The following NME8 variants were observed in gnomAD, a reference collection of about 807,000 sequenced individuals.
The protein encoded by NME8 is NME/NM23 family member 8.
In NME8, 72 loss-of-function variants were observed where a neutral mutation model predicts 82.3. The ratio of observed to expected loss-of-function variants is 0.87; its 90% CI spans 0.72 to 1.06. The LOEUF is 1.06. Among genes scored for constraint, NME8 ranks in the 50% least tolerant of loss-of-function variants. The pLI, the probability that NME8 is intolerant of heterozygous loss-of-function variation, is 0.00. For synonymous variants in NME8, 267 were observed against 228.5 expected, an observed-to-expected ratio of 1.17 and a Z score of -1.52; for missense variants, 712 against 685.4, an observed-to-expected ratio of 1.04 and a Z score of -0.43.
At chr7:37,853,435 G>C (rs888962445) in intron 5 of NME8, among the ~76,000 whole-genome samples, 3 of 152,256 alleles carry the variant, frequency 2.0e-5, no homozygotes, top group East Asian at 3.9e-4. Flanking sequence ...CCAGAGAATA[G>C]AGCCTAAAGG....
At chr7:37,865,682 A>G (rs1276528393) in intron 10 of NME8, 65 bp downstream of exon 10, 7 of 1,131,180 alleles carry the variant, frequency 6.2e-6, no homozygotes, top group Non-Finnish European at 9.4e-6. Flanking sequence ...TAAGCTTTAA[A>G]TCTTTATTAC....
intron 10 of NME8, 26 bp downstream of exon 10, chr7:37,865,643 C>G (rs747339772): frequency 1.3e-6 from 2 of 1,498,522 alleles, no homozygotes; most frequent in South Asian, 2.3e-5. Flanking sequence ...AGAAAAAATC[C>G]TCTATGTGTT....
At chr7:37,893,452 CCTT>C (rs1438002269) in intron 15 of NME8, among the ~76,000 whole-genome samples, 1 of 152,138 alleles carries the variant, frequency 6.6e-6, no homozygotes, top group African/African-American at 2.4e-5. Context: ...TCTTGATAAT[CCTT>C]CTTCTACTTA....
intron 15 of NME8, among the ~76,000 whole-genome samples, chr7:37,891,606 G>A (rs573742375): frequency 1.3e-5 from 2 of 151,810 alleles, no homozygotes; most frequent in South Asian, 2.1e-4. Flanking sequence ...TGTTCTGTAA[G>A]CCATTTTTAT....
At chr7:37,858,573 C>T (rs919758226) in intron 6 of NME8, among the ~76,000 whole-genome samples, 1 of 152,022 alleles carries the variant, frequency 6.6e-6, no homozygotes, top group Non-Finnish European at 1.5e-5. Flanking sequence ...GACTCCTAAA[C>T]TAGATGTCAT....
At chr7:37,882,585 AAGAAAGAAAGAAAGAGAG>A (rs1365317459) in intron 12 of NME8, among the ~76,000 whole-genome samples, 108 of 55,104 alleles carry the variant, frequency 2.0e-3, no homozygotes, top group African/African-American at 7.2e-3. Context: ...GAAAGAAAGA[AAGAAAGAAAGAAAGAGAG>A]AGAGAGAGAG....
At chr7:37,852,733 C>T (rs764557777) in intron 5 of NME8, among the ~76,000 whole-genome samples, 40 of 152,146 alleles carry the variant, frequency 2.6e-4, no homozygotes, top group Non-Finnish European at 4.6e-4. Flanking sequence ...TATCCATTCA[C>T]CTGCTGAAGA....
At chr7:37,887,524 T>C (rs1373464668) in intron 14 of NME8, among the ~76,000 whole-genome samples, 1 of 152,208 alleles carries the variant, frequency 6.6e-6, no homozygotes, top group Non-Finnish European at 1.5e-5. Flanking sequence ...AAACAGGTTT[T>C]ATTGTTGTAT....
chr7:37,867,565 G>C (rs1283805404), intron 10 of NME8, 137 bp from the exon 11 acceptor site: 3 of 708,944 alleles, frequency 4.2e-6, no homozygotes, highest in Non-Finnish European at 7.6e-6. Flanking sequence ...ATTGTTAACA[G>C]GAGATTTATA....
chr7:37,856,019 G>C (rs766353924), intron 5 of NME8, among the ~76,000 whole-genome samples: 19 of 151,952 alleles, frequency 1.3e-4, no homozygotes, highest in Admixed American at 5.9e-4. Flanking sequence ...CCTCAATCTA[G>C]GGTACCTATC....
chr7:37,855,734 G>A (rs928866802), intron 5 of NME8, among the ~76,000 whole-genome samples: 6 of 151,862 alleles, frequency 4.0e-5, no homozygotes, highest in African/African-American at 1.2e-4. Context: ...TAGATCCCTC[G>A]CTTACTTTTG....
intron 6 of NME8, among the ~76,000 whole-genome samples, chr7:37,858,995 G>T (rs1784557465): frequency 6.6e-6 from 1 of 152,032 alleles, no homozygotes; most frequent in African/African-American, 2.4e-5. Flanking sequence ...CACATGACAT[G>T]CTGTCTCCCT....
At chr7:37,854,132 A>C (rs1382388950) in intron 5 of NME8, among the ~76,000 whole-genome samples, 1 of 152,050 alleles carries the variant, frequency 6.6e-6, no homozygotes, top group Non-Finnish European at 1.5e-5. Context: ...TTGACTGGAA[A>C]CCTTATGGGT....
chr7:37,893,551 C>A (rs2598123), intron 15 of NME8, among the ~76,000 whole-genome samples: 125,070 of 151,944 alleles, frequency 0.82, 53,360 homozygotes, highest in Non-Finnish European at 0.95. Flanking sequence ...ACTCTGCCTG[C>A]AATGTCCTTT....
At position 37,864,532 on chromosome 7, in the gene NME8, C is replaced by T. The variant is rs1006372929; in HGVS notation, c.528+111C>T. The T allele has an allele frequency of 2.7e-6, 3 of 1,131,244 alleles. No homozygotes were observed. In the East Asian group the frequency reaches 8.0e-5, roughly 30 times the overall value. 70.1% of individuals were successfully genotyped at this position (1,131,244 alleles called of 1,614,324 possible). On this transcript the variant is annotated intron_variant, in intron 9 of 17. Coordinates refer to ENST00000199447, the MANE Select transcript of NME8 (RefSeq NM_016616.5). ...GAGTGAAATAGAACAAAATGCACTACTGGTGCTAGGTACCTCTAGAGGCTT... is the reference window on the plus strand; with the variant it reads ...GAGTGAAATAGAACAAAATGCACTATTGGTGCTAGGTACCTCTAGAGGCTT...
In NME8 at chr7:37,856,997, A is replaced by C. The variant is rs2722353; in HGVS notation, c.199-277A>C. 0.24 allele frequency among the ~76,000 whole-genome samples: 36,633 copies of C among 152,116 alleles called. 4,419 individuals carry two copies. Among genetic ancestry groups the C allele is most frequent in the Middle Eastern group, 0.27 (78 of 294 alleles). On this transcript the variant is annotated intron_variant, in intron 5 of 17. Coordinates refer to ENST00000199447, the MANE Select transcript of NME8 (RefSeq NM_016616.5). The stretch of plus-strand genomic sequence containing the variant: ...GGAGGAAGGATAGTTGAACAGGGAC[A>C]GTAAAAGAAGGGCAGGACCAGGGAG...
At chr7:37,868,991 AG>A (rs1413768812) in intron 11 of NME8, among the ~76,000 whole-genome samples, 3 of 152,208 alleles carry the variant, frequency 2.0e-5, no homozygotes, top group African/African-American at 7.2e-5. Flanking sequence ...AAAGAAAGTC[AG>A]GTGAGCAAGA....
chr7:37,855,274 C>A (rs975738732), intron 5 of NME8, among the ~76,000 whole-genome samples: 2 of 152,140 alleles, frequency 1.3e-5, no homozygotes, highest in African/African-American at 4.8e-5. Context: ...CTGATGGAAC[C>A]AATCCAGAAT....
intron 10 of NME8, among the ~76,000 whole-genome samples, chr7:37,867,117 G>T (rs557282300): frequency 6.6e-6 from 1 of 152,244 alleles, no homozygotes; most frequent in African/African-American, 2.4e-5. Flanking sequence ...ATTTGTGTCT[G>T]GTGAGCAGCG....
Sources: allele counts gnomAD v4.1 joint callset (sites outside exome capture counted in the v4.1 genomes callset), GRCh38; gene constraint gnomAD v4.1.1; transcripts MANE v1.5; gene names NCBI Gene and HGNC (gene_info 2026-07-23, HGNC 2026-07-21).